Variants in RADIL observed in about 807,000 individuals in gnomAD.
RADIL encodes the protein ras-associating and dilute domain-containing protein.
In RADIL, 99 loss-of-function variants were observed where a neutral mutation model predicts 97.6. The ratio of observed to expected loss-of-function variants is 1.01; its 90% CI spans 0.86 to 1.20. The LOEUF (loss-of-function observed/expected upper bound fraction) is 1.20, where lower values mean the gene tolerates loss of function less well. Ranked by LOEUF, RADIL falls within the 50% of genes most tolerant of loss-of-function variation. RADIL has a pLI of 0.00. For missense variants in RADIL, 1,765 were observed against 1,498.9 expected (o/e 1.18, Z -2.93); for synonymous variants, 803 against 691.8 (o/e 1.16, Z -2.52).
At chr7:4,866,472 T>C (rs1383279038) in intron 2 of RADIL, among the ~76,000 whole-genome samples, 2 of 152,188 alleles carry the variant, frequency 1.3e-5, no homozygotes, top group African/African-American at 4.8e-5. Context: ...ATATTTCTCA[T>C]CCAAGTCTCT....
At chr7:4,862,688 G>C (rs1784044267) in intron 2 of RADIL, among the ~76,000 whole-genome samples, 1 of 152,088 alleles carries the variant, frequency 6.6e-6, no homozygotes, top group Non-Finnish European at 1.5e-5. Context: ...ATCACCTGAG[G>C]TCAGGAGTTG....
chr7:4,834,687 G>A lies in RADIL; in HGVS notation c.1336C>T (p.His446Tyr), dbSNP rs751807754. 3.3e-5 allele frequency: 46 copies of A among 1,390,594 alleles called. No individual in the cohort carries two copies. Among genetic ancestry groups the A allele is most frequent in the Middle Eastern group, 3.9e-4 (2 of 5,154 alleles). The allele number at this position is 1,390,594 out of a possible 1,614,324, so 86.1% of individuals were successfully genotyped here. A position where few individuals can be genotyped will look rare whatever the true frequency, so the allele number is the denominator to read the frequency against. The part of the protein sequence containing the change: ...PAFLLCLCIQ[H>Y]SATHFQPGTF... ...CCCGGCTGGAAGTGGGTGGCCGAGT[G>A]CTGGATGCAGAGGCACAGGAGGAAG... is the stretch of plus-strand genomic sequence containing the variant. The change falls in exon 4 of 15, where the codon CAC (histidine) becomes TAC (tyrosine). Residue 446 changes from histidine to tyrosine, a missense_variant. Physicochemically the swap from His to Tyr is moderately conservative, Grantham distance 83. Transcript: ENST00000399583. The surrounding 1 kb of genome is among the most constrained non-coding windows in gnomAD (Gnocchi z 6.0).
In RADIL at chr7:4,834,508, C is replaced by G. The variant is rs982666310; in HGVS notation, c.1416+99G>C. The G allele has an allele frequency of 5.7e-6, 7 of 1,218,816 alleles. No individual in the cohort carries two copies. The highest frequency in any genetic ancestry group is 7.2e-6 in the Non-Finnish European group (7 of 972,118). The allele number at this position is 1,218,816 out of a possible 1,614,324, so 75.5% of individuals were successfully genotyped here. A position where few individuals can be genotyped will look rare whatever the true frequency, so the allele number is the denominator to read the frequency against. On this transcript the variant is annotated intron_variant, in intron 4 of 14. Transcript: ENST00000399583. This position sits in a 1 kb window ranked among gnomAD's most constrained non-coding sequence, Gnocchi z 6.0. ...CTCAGCAGCACAGCACCGTGGGGGT[C>G]AGATAGAGGCGCTCCCGCCTCCCAG... is the stretch of plus-strand genomic sequence containing the variant.
At position 4,797,879 on chromosome 7, in the gene RADIL, G is replaced by A. The variant is rs1781964391; in HGVS notation, c.*1499C>T. 6.6e-6 allele frequency: 1 copy of A among 152,024 alleles called. No individual in the cohort carries two copies. Among genetic ancestry groups the A allele is most frequent in the Non-Finnish European group, 1.5e-5 (1 of 68,022 alleles). 9.4% of individuals were successfully genotyped at this position (152,024 alleles called of 1,614,324 possible). On this transcript the variant is annotated 3_prime_UTR_variant, in exon 15 of 15. Transcript: ENST00000399583. ...TGTAATCCCAGCTACTCAGGAGACT[G>A]AGGAGAATTGCTTGAACCTGGGAGG...
chr7:4,836,899 C>T (rs1783315751), intron 2 of RADIL, among the ~76,000 whole-genome samples: 1 of 152,124 alleles, frequency 6.6e-6, no homozygotes, highest in Non-Finnish European at 1.5e-5. Context: ...GATTGCACCA[C>T]TGCACTCCAG....
At position 4,817,995 on chromosome 7, in the gene RADIL, G is replaced by A. The variant is rs1782723072; in HGVS notation, c.1616-644C>T. Among the ~76,000 whole-genome samples, 1 of 152,206 alleles carries A rather than the reference G, an allele frequency of 6.6e-6. No homozygotes were observed. The highest frequency in any genetic ancestry group is 1.5e-5 in the Non-Finnish European group (1 of 68,032). Reference sequence around the variant, plus strand: ...TGAGGGAGCATGTGGTGGTCTCAGTGACTGAGGGTCCCATCAGCACCTGGG... The same window carrying A: ...TGAGGGAGCATGTGGTGGTCTCAGTAACTGAGGGTCCCATCAGCACCTGGG... On this transcript the variant is annotated intron_variant, in intron 6 of 14. Transcript: ENST00000399583. The surrounding 1 kb of genome is among the most constrained non-coding windows in gnomAD (Gnocchi z 8.3).
Position 4,834,843 on chromosome 7 carries a change from G to C in RADIL, c.1180C>G (p.Pro394Ala), listed in dbSNP as rs528271194. The C allele has an allele frequency of 6.1e-6, 8 of 1,319,820 alleles. No homozygotes were observed. Among genetic ancestry groups the C allele is most frequent in the East Asian group, 3.1e-5 (1 of 32,168 alleles). The allele number at this position is 1,319,820 out of a possible 1,614,324, so 81.8% of individuals were successfully genotyped here. The change falls in exon 4 of 15, where the codon CCT (proline) becomes GCT (alanine). Residue 394 changes from proline (P) to alanine (A), a missense_variant. By Grantham distance (27) the Pro-to-Ala change is conservative (BLOSUM62 -1). Coordinates refer to ENST00000399583, the MANE Select transcript of RADIL (RefSeq NM_018059.5). The surrounding 1 kb of genome is among the most constrained non-coding windows in gnomAD (Gnocchi z 6.0). Reference protein sequence around the residue: ...AALGARGAASPTQAALPRRQQ... With the variant: ...AALGARGAASATQAALPRRQQ... ...CGCCGGGGCAGGGCGGCCTGAGTAG[G>C]GGAGGCGGCTCCCCGGGCCCCGAGC...
At chr7:4,875,752 C>T (rs540497016) in intron 2 of RADIL, among the ~76,000 whole-genome samples, 19 of 152,318 alleles carry the variant, frequency 1.2e-4, no homozygotes, top group Admixed American at 4.6e-4. Context: ...TGCGCCTCCT[C>T]CCTTTCGGGT....
rs968872002 is a variant in RADIL at position 4,798,086 on chromosome 7, ATATT to A, written c.*1288_*1291del. The stretch of plus-strand genomic sequence containing the variant: ...ATGTAATATATTCATATATAATTAT[ATATT>A]TATATATATTCATATATTTTACATA... On this transcript the variant is annotated 3_prime_UTR_variant, in exon 15 of 15. Transcript: ENST00000399583. 114 of 148,146 alleles carry A rather than the reference ATATT, an allele frequency of 7.7e-4. No individual in the cohort carries two copies. Among genetic ancestry groups the A allele is most frequent in the African/African-American group, 2.7e-3 (110 of 40,848 alleles). The allele number at this position is 148,146 out of a possible 1,614,324, so 9.2% of individuals were successfully genotyped here.
intron 2 of RADIL, among the ~76,000 whole-genome samples, chr7:4,850,778 G>C (rs572347689): frequency 6.6e-6 from 1 of 152,198 alleles, no homozygotes; most frequent in Non-Finnish European, 1.5e-5. Flanking sequence ...CAGCCCAGCC[G>C]ATACCTTGAG....
chr7:4,881,793 T>C (rs1402155475), intron 1 of RADIL, among the ~76,000 whole-genome samples: 1 of 151,926 alleles, frequency 6.6e-6, no homozygotes, highest in Non-Finnish European at 1.5e-5. Flanking sequence ...GAGTTGATAT[T>C]TGGGGCCCAG....
intron 10 of RADIL, chr7:4,804,141 C>A: frequency 3.3e-6 from 1 of 305,408 alleles, no homozygotes; most frequent in Non-Finnish European, 6.6e-6. Context: ...GGGCTGGAGC[C>A]GACTGCCTCC....
chr7:4,853,720 C>A (rs891462910), intron 2 of RADIL, among the ~76,000 whole-genome samples: 17 of 113,754 alleles, frequency 1.5e-4, no homozygotes, highest in Non-Finnish European at 2.5e-4. Flanking sequence ...CCAGCCTGGG[C>A]AACAACAGTG....
chr7:4,828,827 G>A (rs985659218), intron 5 of RADIL, among the ~76,000 whole-genome samples: 1 of 152,230 alleles, frequency 6.6e-6, no homozygotes, highest in Non-Finnish European at 1.5e-5. Context: ...CACACAGCAC[G>A]AGCGGGCAGC....
chr7:4,853,976 G>A (rs891515288), intron 2 of RADIL, among the ~76,000 whole-genome samples: 2 of 152,120 alleles, frequency 1.3e-5, no homozygotes, highest in African/African-American at 2.4e-5. Context: ...ATGTGACTAC[G>A]GTGCAGTCAG....
chr7:4,843,132 G>C (rs905500405), intron 2 of RADIL, among the ~76,000 whole-genome samples: 29 of 150,788 alleles, frequency 1.9e-4, no homozygotes, highest in Admixed American at 4.0e-4. Context: ...TCAGTCTCCC[G>C]AGTAGCTAGG....
chr7:4,866,392 T>C (rs975427454), intron 2 of RADIL, among the ~76,000 whole-genome samples: 2 of 152,218 alleles, frequency 1.3e-5, no homozygotes, highest in Admixed American at 1.3e-4. Flanking sequence ...TTGCAACATA[T>C]CCAGCGCCTA....
In RADIL at chr7:4,799,699, C is replaced by T; in HGVS notation, c.3053G>A (p.Gly1018Glu). Reference protein sequence around the residue: ...LLPGSPAAADGRLSLGDRILE... With the variant: ...LLPGSPAAADERLSLGDRILE... Reference sequence around the variant, plus strand: ...GATACGGTCCCCCAGCGACAGGCGCCCGTCGGCCGCTGCGGGGCTGCCCGG... The same window carrying T: ...GATACGGTCCCCCAGCGACAGGCGCTCGTCGGCCGCTGCGGGGCTGCCCGG... The change falls in exon 14 of 15, where the codon GGG becomes GAG. Residue 1018 changes from glycine (G) to glutamate (E), a missense_variant. Physicochemically the swap from Gly to Glu is moderately conservative, Grantham distance 98. Coordinates refer to ENST00000399583, the MANE Select transcript of RADIL (RefSeq NM_018059.5). 1 of 1,577,624 alleles carries T rather than the reference C, an allele frequency of 6.3e-7. No homozygotes were observed. Among genetic ancestry groups the T allele is most frequent in the Non-Finnish European group, 8.6e-7 (1 of 1,163,676 alleles).
In RADIL at chr7:4,816,415, C is replaced by A. The variant is rs368133577; in HGVS notation, c.1779G>T (p.Thr593=). 1.9e-6 allele frequency: 3 copies of A among 1,609,058 alleles called. No homozygotes were observed. The highest frequency in any genetic ancestry group is 2.7e-5 in the African/African-American group (2 of 74,884). ...CCGAGGACCAGCTCTCACGGCGCTC[C>A]GTCTGGAATGGCGGGCACTCCAGGA... ...PALLECPPFQ[T]ERRESWSSAP... The change falls in exon 8 of 15, where the codon ACG becomes ACT. Residue 593 remains threonine (T), a synonymous_variant. Transcript: ENST00000399583.
Sources: gnomAD v4.1 joint callset for allele counts (sites outside exome capture counted in the v4.1 genomes callset) on GRCh38, gnomAD v4.1.1 for gene constraint, Gnocchi (gnomAD v3.1) non-coding constraint, MANE v1.5 for transcripts, NCBI Gene and HGNC (gene_info 2026-07-23, HGNC 2026-07-21) for gene names.